The following ICA1 variants were observed in gnomAD, a reference collection of about 807,000 sequenced individuals.
ICA1 encodes 69 kDa islet cell autoantigen.
A neutral mutation model predicts 71.0 loss-of-function variants in ICA1; 40 were observed. The observed-to-expected ratio is 0.56, with a 90% CI of 0.44 to 0.73. The LOEUF (loss-of-function observed/expected upper bound fraction) is 0.73. Ranked by LOEUF, ICA1 falls within the 30% of genes least tolerant of loss-of-function variation. The pLI is 0.00. For missense variants in ICA1, 578 were observed against 576.5 expected, an observed-to-expected ratio of 1.00 and a Z score of -0.03; for synonymous variants, 207 against 209.5, an observed-to-expected ratio of 0.99 and a Z score of 0.10.
chr7:8,253,846 G>A (rs534879844), intron 1 of ICA1, among the ~76,000 whole-genome samples: 9 of 152,258 alleles, frequency 5.9e-5, no homozygotes, highest in South Asian at 2.1e-4. Flanking sequence ...ACATAGAAAC[G>A]TATGAATGGT....
chr7:8,127,420 T>A (rs997738088), intron 13 of ICA1, among the ~76,000 whole-genome samples: 6 of 151,928 alleles, frequency 3.9e-5, no homozygotes, highest in Admixed American at 3.3e-4. Flanking sequence ...GAGAGGTGGA[T>A]CAGGATAGAA....
At chr7:8,156,682 A>G in intron 8 of ICA1, 2 of 706,786 alleles carry the variant, frequency 2.8e-6, no homozygotes, top group East Asian at 6.2e-5. Flanking sequence ...TTCAGAAGTA[A>G]GAGAGGAAAG....
chr7:8,193,643 C>G (rs1445234884), intron 6 of ICA1, among the ~76,000 whole-genome samples: 1 of 152,170 alleles, frequency 6.6e-6, no homozygotes, highest in African/African-American at 2.4e-5. Context: ...AAATCCTTCC[C>G]TCTGTAGATT....
At chr7:8,139,401 A>C (rs1264133661) in intron 10 of ICA1, among the ~76,000 whole-genome samples, 1 of 152,212 alleles carries the variant, frequency 6.6e-6, no homozygotes, top group East Asian at 1.9e-4. Flanking sequence ...GTAGATTACT[A>C]AGTGAAAGAA....
At chr7:8,127,244 G>A (rs1270811977) in intron 13 of ICA1, among the ~76,000 whole-genome samples, 3 of 150,726 alleles carry the variant, frequency 2.0e-5, no homozygotes, top group Non-Finnish European at 4.4e-5. Context: ...CTCTCACCTC[G>A]GCCTCCCAAA....
intron 1 of ICA1, among the ~76,000 whole-genome samples, chr7:8,259,996 GA>G: frequency 6.6e-6 from 1 of 152,094 alleles, no homozygotes; most frequent in South Asian, 2.1e-4. Context: ...AATGCAGATG[GA>G]AAAAAAGGAC....
intron 1 of ICA1, among the ~76,000 whole-genome samples, chr7:8,253,912 T>C (rs1041778292): frequency 1.3e-5 from 2 of 152,214 alleles, no homozygotes; most frequent in African/African-American, 4.8e-5. Flanking sequence ...ACTATAATTA[T>C]ATGAAATTGC....
rs1432548056 is a variant in ICA1, at chr7:8,228,651, G to A, written c.206C>T (p.Thr69Ile). 1 of 1,599,420 alleles carries A rather than the reference G, an allele frequency of 6.3e-7. No individual in the cohort carries two copies. Among genetic ancestry groups the A allele is most frequent in the Non-Finnish European group, 8.5e-7 (1 of 1,172,590 alleles). The change falls in exon 4 of 14, where the codon ACC (threonine) becomes ATC (isoleucine). Residue 69 changes from threonine (T) to isoleucine (I), a missense_variant. Transcript: ENST00000402384. ...KLELFHSIQR[T>I]CLDLSKAIVL... ...AATTGCTTTCGATAAGTCCAGACAG[G>A]TTCTCTGAATTGAATGAAACAGCTG...
intron 6 of ICA1, among the ~76,000 whole-genome samples, chr7:8,180,232 T>C (rs1781796200): frequency 6.6e-6 from 1 of 152,166 alleles, no homozygotes; most frequent in Non-Finnish European, 1.5e-5. Flanking sequence ...TCTATCACCA[T>C]GAATTAGTTT....
chr7:8,202,926 T>C (rs980368449), intron 6 of ICA1, among the ~76,000 whole-genome samples: 1 of 152,174 alleles, frequency 6.6e-6, no homozygotes, highest in Non-Finnish European at 1.5e-5. Flanking sequence ...GTGGGCAATT[T>C]TAACATGCAT....
rs372247535 is a variant in ICA1, at chr7:8,218,412, G to A, written c.472C>T (p.Arg158Cys). The change falls in exon 6 of 14, where the codon CGC becomes TGC. Residue 158 changes from arginine (R) to cysteine (C), a missense_variant. Physicochemically the swap from Arg to Cys is radical, Grantham distance 180. Transcript: ENST00000402384. ...AISDTWLTVN[R>C]MEQCRTEYRG... is the part of the protein sequence containing the mutation. Reference sequence around the variant, plus strand: ...TATTCCGTCCTGCACTGTTCCATGCGGTTCACCGTCAGCCAAGTATCTGAG... The same window carrying A: ...TATTCCGTCCTGCACTGTTCCATGCAGTTCACCGTCAGCCAAGTATCTGAG... 1.7e-5 allele frequency: 27 copies of A among 1,613,920 alleles called. No individual in the cohort carries two copies. Among genetic ancestry groups the A allele is most frequent in the Non-Finnish European group, 2.3e-5 (27 of 1,179,988 alleles).
chr7:8,244,025 T>C (rs1238606736), intron 1 of ICA1, among the ~76,000 whole-genome samples: 1 of 146,366 alleles, frequency 6.8e-6, no homozygotes, highest in African/African-American at 2.6e-5. Context: ...GCTATCCCCA[T>C]ATGACTTTCT....
chr7:8,128,395 T>G (rs1398960919), intron 12 of ICA1, among the ~76,000 whole-genome samples: 2 of 152,144 alleles, frequency 1.3e-5, no homozygotes, highest in Non-Finnish European at 2.9e-5. Context: ...AGGATTTTGG[T>G]TTTTCTTTAA....
At chr7:8,119,618 G>C (rs919022122) in intron 13 of ICA1, among the ~76,000 whole-genome samples, 11 of 152,192 alleles carry the variant, frequency 7.2e-5, no homozygotes, top group Non-Finnish European at 1.0e-4. Context: ...AGCCAAAGCA[G>C]GCGGATCACT....
In ICA1 at chr7:8,240,449, G is replaced by A. The variant is rs139002849; in HGVS notation, c.-79-4444C>T. ...CAAAGACCAAGGGTAGATAAAACCA[G>A]AGCAGAAACCAGAGCAGAAAAGCTG... On this transcript the variant is annotated intron_variant, in intron 1 of 13. Coordinates refer to ENST00000402384, the MANE Select transcript of ICA1 (RefSeq NM_001136020.3). Among the ~76,000 whole-genome samples, 10 of 152,178 alleles carry A rather than the reference G, an allele frequency of 6.6e-5. No homozygotes were observed. In the East Asian group the frequency reaches 1.7e-3, roughly 26 times the overall value.
At chr7:8,172,209 T>C (rs1562822749) in intron 6 of ICA1, among the ~76,000 whole-genome samples, 1 of 152,088 alleles carries the variant, frequency 6.6e-6, no homozygotes, top group African/African-American at 2.4e-5. Flanking sequence ...ACTATTATTG[T>C]AGACTTGTCT....
intron 2 of ICA1, among the ~76,000 whole-genome samples, chr7:8,233,059 G>C (rs1800756681): frequency 6.6e-6 from 1 of 152,200 alleles, no homozygotes; most frequent in African/African-American, 2.4e-5. Flanking sequence ...TGGAGACAGT[G>C]AGATCAAGCC....
At chr7:8,176,487 T>A (rs1273099215) in intron 6 of ICA1, among the ~76,000 whole-genome samples, 1 of 152,200 alleles carries the variant, frequency 6.6e-6, no homozygotes, top group African/African-American at 2.4e-5. Context: ...TGATCCTGTG[T>A]GTGCTCAGCT....
rs1783891827 is a variant in ICA1 at position 8,113,836 on chromosome 7, A to G, written c.*87T>C. On this transcript the variant is annotated 3_prime_UTR_variant, in exon 14 of 14. Transcript: ENST00000402384. The surrounding 1 kb of genome is among the most constrained non-coding windows in gnomAD (Gnocchi z 4.2). ...ATTAAAATGGCACATAATTATTAAA[A>G]CAGCATACTGATCACTTTATACTTC... 1.4e-6 allele frequency: 2 copies of G among 1,399,162 alleles called. No individual in the cohort carries two copies. The highest frequency in any genetic ancestry group is 2.0e-6 in the Non-Finnish European group (2 of 991,212). The allele number at this position is 1,399,162 out of a possible 1,614,324, so 86.7% of individuals were successfully genotyped here.
Sources: allele counts gnomAD v4.1 joint callset (sites outside exome capture counted in the v4.1 genomes callset), GRCh38; gene constraint gnomAD v4.1.1; non-coding constraint Gnocchi (gnomAD v3.1); transcripts MANE v1.5; gene names NCBI Gene and HGNC (gene_info 2026-07-23, HGNC 2026-07-21).